Variants in PDE11A observed in about 807,000 individuals in gnomAD.
PDE11A encodes the protein phosphodiesterase 11A, also known as dual 3',5'-cyclic-AMP and -GMP phosphodiesterase 11A.
Under a neutral mutation model 100.5 loss-of-function variants are expected in PDE11A, and 100 were observed. That is an observed-to-expected ratio of 1.00 (90% confidence interval 0.85 to 1.18). The LOEUF (loss-of-function observed/expected upper bound fraction) is 1.18. PDE11A is among the 50% of genes most tolerant of loss of function. The probability of loss-of-function intolerance (pLI) is 0.00; values close to 1 mark genes in which losing one functional copy is unlikely to be tolerated. For missense variants in PDE11A, 1,141 were observed against 1,152.6 expected, an observed-to-expected ratio of 0.99 and a Z score of 0.15; for synonymous variants, 381 against 420.8, an observed-to-expected ratio of 0.91 and a Z score of 1.16.
At chr2:178,017,338 T>C (rs546692594) in intron 1 of PDE11A, among the ~76,000 whole-genome samples, 61 of 152,324 alleles carry the variant, frequency 4.0e-4, no homozygotes, top group Admixed American at 1.1e-3. Flanking sequence ...TAAATTATGA[T>C]CTTGTGGTTT....
At chr2:177,760,536 A>G (rs2082154134) in intron 10 of PDE11A, among the ~76,000 whole-genome samples, 1 of 152,178 alleles carries the variant, frequency 6.6e-6, no homozygotes, top group Non-Finnish European at 1.5e-5. Flanking sequence ...GTCAACATTT[A>G]TGTTGTTTTA....
intron 5 of PDE11A, among the ~76,000 whole-genome samples, chr2:177,859,174 C>T (rs2083898799): frequency 6.6e-6 from 1 of 151,746 alleles, no homozygotes; most frequent in Non-Finnish European, 1.5e-5. Context: ...TGCAGCACAC[C>T]AACATGGCAC....
At chr2:177,865,674 A>T (rs1558980876) in intron 5 of PDE11A, among the ~76,000 whole-genome samples, 1 of 152,182 alleles carries the variant, frequency 6.6e-6, no homozygotes, top group African/African-American at 2.4e-5. Flanking sequence ...ATCCATAAAA[A>T]AGAATGAAGG....
intron 1 of PDE11A, among the ~76,000 whole-genome samples, chr2:178,038,632 T>C (rs2105847054): frequency 6.6e-6 from 1 of 152,200 alleles, no homozygotes; most frequent in Admixed American, 6.5e-5. Context: ...AAAAGAGGGT[T>C]GAGGGGGAGT....
At chr2:177,988,055 T>A (rs1177075033) in intron 2 of PDE11A, among the ~76,000 whole-genome samples, 1 of 152,230 alleles carries the variant, frequency 6.6e-6, no homozygotes, top group East Asian at 1.9e-4. Context: ...CAGAAGTGTC[T>A]TCTCATGTCT....
intron 5 of PDE11A, among the ~76,000 whole-genome samples, chr2:177,843,494 G>A (rs2083524605): frequency 6.6e-6 from 1 of 152,104 alleles, no homozygotes. Flanking sequence ...AGAGCTTTAG[G>A]TCCCTACTTA....
At chr2:177,786,108 C>T (rs2082533414) in intron 9 of PDE11A, among the ~76,000 whole-genome samples, 2 of 152,206 alleles carry the variant, frequency 1.3e-5, no homozygotes, top group Non-Finnish European at 2.9e-5. Flanking sequence ...TGACCCCTGA[C>T]CCCTGAGCAG....
Position 177,627,567 on chromosome 2 carries a change from C to T in PDE11A, c.*1840G>A, listed in dbSNP as rs558952216. The T allele has an allele frequency of 6.6e-6, 1 of 152,076 alleles. No individual in the cohort carries two copies. Among genetic ancestry groups the T allele is most frequent in the South Asian group, 2.1e-4 (1 of 4,812 alleles). 9.4% of individuals were successfully genotyped at this position (152,076 alleles called of 1,614,324 possible). ...AATGATTAATAACAATAACAAGGGCCGGGTACGGTGGCTCACGCCTGTAAT... is the reference window on the plus strand; with the variant it reads ...AATGATTAATAACAATAACAAGGGCTGGGTACGGTGGCTCACGCCTGTAAT... On this transcript the variant is annotated 3_prime_UTR_variant, in exon 20 of 20. Transcript: ENST00000286063.
intron 7 of PDE11A, among the ~76,000 whole-genome samples, chr2:177,819,796 GA>G (rs1380028873): frequency 6.6e-6 from 1 of 151,726 alleles, no homozygotes; most frequent in Non-Finnish European, 1.5e-5. Context: ...TAGGAAGCCT[GA>G]ATTTTGTTCC....
chr2:177,830,041 G>C (rs765482865), intron 6 of PDE11A, among the ~76,000 whole-genome samples: 2 of 152,128 alleles, frequency 1.3e-5, no homozygotes, highest in Non-Finnish European at 2.9e-5. Context: ...TGTGATGAGA[G>C]GGCCACATTC....
At chr2:177,964,281 C>A (rs992085977) in intron 2 of PDE11A, among the ~76,000 whole-genome samples, 18 of 152,212 alleles carry the variant, frequency 1.2e-4, no homozygotes, top group African/African-American at 3.9e-4. Context: ...ACCAATCCCT[C>A]AATTATATAA....
intron 2 of PDE11A, among the ~76,000 whole-genome samples, chr2:178,087,082 AT>A (rs2087366634): frequency 6.6e-6 from 1 of 152,210 alleles, no homozygotes; most frequent in South Asian, 2.1e-4. Flanking sequence ...CACACCTGTA[AT>A]CCCAGCACTT....
intron 17 of PDE11A, among the ~76,000 whole-genome samples, chr2:177,671,232 T>C (rs762400261): frequency 1.1e-4 from 17 of 151,696 alleles, no homozygotes; most frequent in Non-Finnish European, 2.1e-4. Flanking sequence ...ATTCTGTCGT[T>C]GCTCTTTCTC....
chr2:177,665,715 G>A (rs201260079), intron 18 of PDE11A, among the ~76,000 whole-genome samples: 1 of 148,098 alleles, frequency 6.8e-6, no homozygotes, highest in Non-Finnish European at 1.5e-5. Context: ...AAATTAGCTG[G>A]GTGTGGTGGT....
At chr2:177,786,062 C>T (rs1023626529) in intron 9 of PDE11A, among the ~76,000 whole-genome samples, 24 of 152,182 alleles carry the variant, frequency 1.6e-4, no homozygotes, top group Non-Finnish European at 2.8e-4. Context: ...AGCTGGAGAT[C>T]TGAGAACGGG....
intron 2 of PDE11A, among the ~76,000 whole-genome samples, chr2:178,003,520 G>C (rs2086169291): frequency 6.6e-6 from 1 of 152,050 alleles, no homozygotes; most frequent in African/African-American, 2.4e-5. Flanking sequence ...AGAGATAGAA[G>C]GTAGACTGGT....
intron 2 of PDE11A, among the ~76,000 whole-genome samples, chr2:177,988,483 G>A (rs2085966014): frequency 6.6e-6 from 1 of 152,128 alleles, no homozygotes; most frequent in South Asian, 2.1e-4. Flanking sequence ...ATTATTTCAA[G>A]ACTAAAAAAG....
At chr2:177,989,716 A>G (rs1268607842) in intron 2 of PDE11A, among the ~76,000 whole-genome samples, 3 of 152,168 alleles carry the variant, frequency 2.0e-5, no homozygotes, top group Non-Finnish European at 4.4e-5. Flanking sequence ...CATTTATCTA[A>G]ATACCAGGAG....
chr2:177,920,185 T>C (rs1294585674), intron 2 of PDE11A, among the ~76,000 whole-genome samples: 1 of 152,082 alleles, frequency 6.6e-6, no homozygotes, highest in East Asian at 1.9e-4. Context: ...ATACCCTATA[T>C]GTGGAAATTA....
Sources: gnomAD v4.1 joint callset for allele counts (sites outside exome capture counted in the v4.1 genomes callset) on GRCh38, gnomAD v4.1.1 for gene constraint, MANE v1.5 for transcripts, NCBI Gene and HGNC (gene_info 2026-07-23, HGNC 2026-07-21) for gene names.